The following GABPB2 variants were observed in gnomAD, a reference collection of about 807,000 sequenced individuals.
GABPB2 encodes the protein GA binding protein transcription factor subunit beta 2.
GABPB2 carries 23 observed loss-of-function variants against 39.1 expected under a neutral mutation model. That is an observed-to-expected ratio of 0.59 (90% CI 0.42 to 0.83). The LOEUF is 0.83. Among genes scored for constraint, GABPB2 ranks in the 40% least tolerant of loss-of-function variants. GABPB2 has a pLI of 0.00. For synonymous variants in GABPB2, 184 were observed against 199.3 expected (o/e 0.92, Z 0.65); for missense variants, 467 against 541.1 (o/e 0.86, Z 1.36).
intron 2 of GABPB2, 36 bp from the exon 3 acceptor site, chr1:151,090,370 C>T: frequency 6.3e-7 from 1 of 1,594,840 alleles, no homozygotes. Flanking sequence ...GGACTCTGCA[C>T]ACAGTGGATA....
intron 7 of GABPB2, among the ~76,000 whole-genome samples, chr1:151,115,007 G>A (rs1026312835): frequency 2.0e-5 from 3 of 152,086 alleles, no homozygotes; most frequent in Non-Finnish European, 4.4e-5. Flanking sequence ...GCCAGACTCC[G>A]TCTCAAGAAA....
Position 151,088,286 on chromosome 1 carries a change from A to G in GABPB2, c.97A>G (p.Thr33Ala). 1 of 1,612,266 alleles carries G rather than the reference A, an allele frequency of 6.2e-7. No individual in the cohort carries two copies. The highest frequency in any genetic ancestry group is 8.5e-7 in the Non-Finnish European group (1 of 1,178,682). ...RTLMANGAPF[T>A]TDWLGTSPLH... ...GTTGATGGCAAATGGCGCCCCATTC[A>G]CCACAGACTGGGTAAGCTTAGAGGA... Residue 33 changes from threonine (T) to alanine (A), a missense_variant, in exon 2 of 9, where the codon ACC (threonine) becomes GCC (alanine). Thr to Ala is a moderately conservative substitution (Grantham distance 58). Transcript: ENST00000368918.
rs1400820459 is a variant in GABPB2, at chr1:151,071,705, TAG to T, written c.-1+772_-1+773del. On this transcript the variant is annotated intron_variant, in intron 1 of 8. Coordinates refer to ENST00000368918, the MANE Select transcript of GABPB2 (RefSeq NM_144618.3). ...CAGGCTGGTCTCGAACTCCTGACCT[TAG>T]GGGATCCCCCCGCCTTGGCCTTCCA... Among the ~76,000 whole-genome samples, 23 of 152,152 alleles carry T rather than the reference TAG, an allele frequency of 1.5e-4. 1 individual carries two copies. Among genetic ancestry groups the T allele is most frequent in the Admixed American group, 7.2e-4 (11 of 15,252 alleles).
At chr1:151,099,927 T>C (rs1679384416) in intron 5 of GABPB2, among the ~76,000 whole-genome samples, 2 of 152,204 alleles carry the variant, frequency 1.3e-5, no homozygotes, top group African/African-American at 4.8e-5. Context: ...TAATAGCTAT[T>C]AAATGAAAAC....
rs1188729132 is a variant in GABPB2, at chr1:151,121,028, T to C, written c.*2772T>C. The C allele has an allele frequency of 6.6e-6, 1 of 152,190 alleles. No homozygotes were observed. The highest frequency in any genetic ancestry group is 1.5e-5 in the Non-Finnish European group (1 of 68,056). 9.4% of individuals were successfully genotyped at this position (152,190 alleles called of 1,614,324 possible). A position where few individuals can be genotyped will look rare whatever the true frequency, so the allele number is the denominator to read the frequency against. On this transcript the variant is annotated 3_prime_UTR_variant, in exon 9 of 9. Transcript: ENST00000368918. ...GCCTTGGCCTCCCAAAATGCTGAGA[T>C]TACAGGCGTGAGCCACCCCGCGCAC...
chr1:151,085,451 T>A (rs2101469720), intron 1 of GABPB2, among the ~76,000 whole-genome samples: 1 of 152,096 alleles, frequency 6.6e-6, no homozygotes, highest in Middle Eastern at 3.4e-3. Context: ...TTTATTTTAT[T>A]TTTTTTTGAG....
At chr1:151,110,292 T>G (rs2101558010) in intron 7 of GABPB2, among the ~76,000 whole-genome samples, 1 of 152,008 alleles carries the variant, frequency 6.6e-6, no homozygotes, top group Admixed American at 6.6e-5. Flanking sequence ...AATCCAAACT[T>G]TGGTATCATA....
In GABPB2 at chr1:151,124,083, T is replaced by G. The variant is rs979227569; in HGVS notation, c.*5827T>G. The stretch of plus-strand genomic sequence containing the variant: ...AAAAAAAAAAAGAGGCCGGGCGCGG[T>G]GGCTCACAAAAAAAAAAAAAAGAAA... On this transcript the variant is annotated 3_prime_UTR_variant, in exon 9 of 9. Transcript: ENST00000368918. 22 of 78,282 alleles carry G rather than the reference T, an allele frequency of 2.8e-4. No individual in the cohort carries two copies. The highest frequency in any genetic ancestry group is 6.5e-4 in the Admixed American group (4 of 6,178). The allele number at this position is 78,282 out of a possible 1,614,324, so 4.8% of individuals were successfully genotyped here.
rs6702344 is a variant in GABPB2, at chr1:151,119,610, C to T, written c.*1354C>T. 90,381 of 152,360 alleles carry T rather than the reference C, an allele frequency of 0.59. 29,839 individuals are homozygous for T. The highest frequency in any genetic ancestry group is 0.9 in the East Asian group (4,684 of 5,178). The allele number at this position is 152,360 out of a possible 1,614,324, so 9.4% of individuals were successfully genotyped here. A position where few individuals can be genotyped will look rare whatever the true frequency, so the allele number is the denominator to read the frequency against. ...AAAATTACCCAGGCATAGTGGCACA[C>T]GCCTGTAGTCCCAGTTACTTGGGAG... is the stretch of plus-strand genomic sequence containing the variant. On this transcript the variant is annotated 3_prime_UTR_variant, in exon 9 of 9. Coordinates refer to ENST00000368918, the MANE Select transcript of GABPB2 (RefSeq NM_144618.3).
rs1681170194 is a variant in GABPB2 at position 151,121,159 on chromosome 1, A to G, written c.*2903A>G. The G allele has an allele frequency of 6.6e-6, 1 of 152,198 alleles. No homozygotes were observed. Among genetic ancestry groups the G allele is most frequent in the Admixed American group, 6.5e-5 (1 of 15,268 alleles). 9.4% of individuals were successfully genotyped at this position (152,198 alleles called of 1,614,324 possible). Reference sequence around the variant, plus strand: ...ATATCTTATCCTCTTATGTGCAACAAAAAGGGGGTCGGAGGTAAATGCTGA... The same window carrying G: ...ATATCTTATCCTCTTATGTGCAACAGAAAGGGGGTCGGAGGTAAATGCTGA... On this transcript the variant is annotated 3_prime_UTR_variant, in exon 9 of 9. Transcript: ENST00000368918.
intron 1 of GABPB2, among the ~76,000 whole-genome samples, chr1:151,083,067 T>C (rs587603083): frequency 4.6e-5 from 7 of 152,272 alleles, no homozygotes; most frequent in African/African-American, 1.7e-4. Context: ...TTAAAACCCA[T>C]TGATCTTTCA....
At chr1:151,076,687 C>G (rs1313765252) in intron 1 of GABPB2, among the ~76,000 whole-genome samples, 2 of 152,132 alleles carry the variant, frequency 1.3e-5, no homozygotes, top group Admixed American at 6.6e-5. Flanking sequence ...GCCTCAGCCT[C>G]CCAAAGTGCT....
chr1:151,107,767 C>G (rs1680085917), intron 7 of GABPB2, among the ~76,000 whole-genome samples: 1 of 152,090 alleles, frequency 6.6e-6, no homozygotes, highest in South Asian at 2.1e-4. Flanking sequence ...AAAACCCCAT[C>G]TCTACTAAAA....
chr1:151,078,828 C>T (rs1274973079), intron 1 of GABPB2, among the ~76,000 whole-genome samples: 1 of 151,498 alleles, frequency 6.6e-6, no homozygotes, highest in Non-Finnish European at 1.5e-5. Context: ...TTAGTACAGG[C>T]GGGGTAGTAA....
chr1:151,090,703 T>G, intron 3 of GABPB2, 130 bp downstream of exon 3: 1 of 870,412 alleles, frequency 1.1e-6, no homozygotes, highest in African/African-American at 1.7e-5. Context: ...TTAAGTTGCA[T>G]CTCCAGGAGT....
chr1:151,088,228 AG>A lies in GABPB2; in HGVS notation c.40del (p.Ala14GlnfsTer9), dbSNP rs1678366430. On this transcript the variant is annotated frameshift_variant, in exon 2 of 9. Coordinates refer to ENST00000368918, the MANE Select transcript of GABPB2 (RefSeq NM_144618.3). LOFTEE classifies it high-confidence loss of function. ...VDLGKRLLEA[A>X]RKGQDDEVRT... ...ACTTGGGAAAGAGGTTGCTAGAAGC[AG>A]CAAGAAAAGGCCAAGATGATGAAGT... is the stretch of plus-strand genomic sequence containing the variant. 1.2e-6 allele frequency: 2 copies of A among 1,614,130 alleles called. No individual in the cohort carries two copies. The highest frequency in any genetic ancestry group is 2.7e-5 in the African/African-American group (2 of 75,052).
chr1:151,094,515 A>G (rs587706803), intron 4 of GABPB2, among the ~76,000 whole-genome samples: 1 of 146,356 alleles, frequency 6.8e-6, no homozygotes, highest in African/African-American at 2.5e-5. Context: ...ATGCCCAGCT[A>G]ATTTTTGTAT....
chr1:151,080,621 G>A (rs1291715399), intron 1 of GABPB2, among the ~76,000 whole-genome samples: 1 of 151,170 alleles, frequency 6.6e-6, no homozygotes, highest in Non-Finnish European at 1.5e-5. Context: ...GCCAAGACAA[G>A]CAGATCACTT....
intron 3 of GABPB2, among the ~76,000 whole-genome samples, chr1:151,092,595 T>TG (rs1426446180): frequency 2.4e-4 from 36 of 148,914 alleles, no homozygotes; most frequent in African/African-American, 8.4e-4. Context: ...TGGTTTTTGT[T>TG]TTTTTTTTTT....
Sources: allele counts gnomAD v4.1 joint callset (sites outside exome capture counted in the v4.1 genomes callset), GRCh38; gene constraint gnomAD v4.1.1; transcripts MANE v1.5; gene names NCBI Gene and HGNC (gene_info 2026-07-23, HGNC 2026-07-21).